The following UBE2E2 variants were observed in gnomAD, a reference collection of about 807,000 sequenced individuals.
UBE2E2 encodes the protein ubiquitin-conjugating enzyme E2 E2.
A neutral mutation model predicts 24.7 loss-of-function variants in UBE2E2; 6 were observed. The observed-to-expected ratio is 0.24, with a 90% CI of 0.13 to 0.48. UBE2E2 has a LOEUF of 0.48. Among genes scored for constraint, UBE2E2 ranks in the 20% least tolerant of loss-of-function variants. The pLI is 0.99. For missense variants in UBE2E2, 169 were observed against 245.0 expected (o/e 0.69, Z 2.07); for synonymous variants, 104 against 83.6 (o/e 1.24, Z -1.33).
intron 3 of UBE2E2, among the ~76,000 whole-genome samples, chr3:23,256,482 T>C (rs1177241628): frequency 6.6e-6 from 1 of 151,558 alleles, no homozygotes; most frequent in Non-Finnish European, 1.5e-5. Context: ...CAAAAAAAAC[T>C]GTAGCTTCAA....
chr3:23,487,071 A>G (rs899637463), intron 3 of UBE2E2, among the ~76,000 whole-genome samples: 5 of 152,178 alleles, frequency 3.3e-5, no homozygotes, highest in African/African-American at 1.2e-4. Context: ...GCTTCCCTCA[A>G]TACCCCCGGC....
At chr3:23,239,979 A>G (rs940736608) in intron 3 of UBE2E2, among the ~76,000 whole-genome samples, 10 of 152,184 alleles carry the variant, frequency 6.6e-5, no homozygotes, top group African/African-American at 2.4e-4. Context: ...GTTTTGAGGC[A>G]TGTAGGGCTC....
At chr3:23,404,570 A>C (rs916625083) in intron 3 of UBE2E2, among the ~76,000 whole-genome samples, 9 of 152,156 alleles carry the variant, frequency 5.9e-5, no homozygotes, top group Non-Finnish European at 1.2e-4. Context: ...AGCATTTGGA[A>C]TTGTATAAGT....
chr3:23,219,635 C>T (rs902367590), intron 3 of UBE2E2, among the ~76,000 whole-genome samples: 4 of 152,118 alleles, frequency 2.6e-5, no homozygotes, highest in African/African-American at 9.7e-5. Flanking sequence ...AAGTCAGAGT[C>T]CTTTACTTAA....
At chr3:23,281,855 T>C (rs1020175050) in intron 3 of UBE2E2, among the ~76,000 whole-genome samples, 2 of 152,256 alleles carry the variant, frequency 1.3e-5, no homozygotes, top group African/African-American at 4.8e-5. Flanking sequence ...AGAGGATGTA[T>C]GCCAGATTTT....
chr3:23,212,878 T>C (rs1399837415), intron 2 of UBE2E2, among the ~76,000 whole-genome samples: 3 of 152,128 alleles, frequency 2.0e-5, no homozygotes, highest in Non-Finnish European at 4.4e-5. Flanking sequence ...ATCATAGATA[T>C]ATAGTATATA....
At chr3:23,263,915 C>T (rs1371655257) in intron 3 of UBE2E2, among the ~76,000 whole-genome samples, 2 of 152,132 alleles carry the variant, frequency 1.3e-5, no homozygotes, top group East Asian at 3.8e-4. Context: ...TTTTTCTTAA[C>T]AAGTTCTAGA....
chr3:23,217,236 T>A, intron 2 of UBE2E2, 26 bp from the exon 3 acceptor site: 1 of 1,596,084 alleles, frequency 6.3e-7, no homozygotes, highest in East Asian at 2.2e-5. Context: ...ATTTTTAACA[T>A]AATGTTCTTT....
chr3:23,569,329 T>A (rs1696168128), intron 5 of UBE2E2, among the ~76,000 whole-genome samples: 1 of 152,174 alleles, frequency 6.6e-6, no homozygotes, highest in East Asian at 1.9e-4. Flanking sequence ...CTGGTGGATT[T>A]GCCAGCGGGG....
chr3:23,316,866 C>T (rs1694595773), intron 3 of UBE2E2, among the ~76,000 whole-genome samples: 1 of 152,072 alleles, frequency 6.6e-6, no homozygotes. Flanking sequence ...AGTGGGCTCA[C>T]TTCTGACCCA....
chr3:23,507,019 T>C lies in UBE2E2; in HGVS notation c.360+7279T>C, dbSNP rs1450487759. 2.0e-5 allele frequency among the ~76,000 whole-genome samples: 3 copies of C among 152,188 alleles called. No individual in the cohort carries two copies. In the East Asian group the frequency reaches 5.8e-4, roughly 29 times the overall value. On this transcript the variant is annotated intron_variant, in intron 4 of 5. Coordinates refer to ENST00000396703, the MANE Select transcript of UBE2E2 (RefSeq NM_152653.4). The stretch of plus-strand genomic sequence containing the variant: ...TTCCCAGCTCCTGAATAAAAGCCTA[T>C]AAAGCCATATAGAACCACCCCGTCC...
intron 3 of UBE2E2, among the ~76,000 whole-genome samples, chr3:23,350,913 C>G (rs1233032149): frequency 3.3e-5 from 5 of 152,144 alleles, no homozygotes; most frequent in Admixed American, 3.3e-4. Context: ...TCGAGAAGAG[C>G]AACTCCAAGA....
intron 3 of UBE2E2, among the ~76,000 whole-genome samples, chr3:23,408,079 A>G (rs985541912): frequency 1.3e-5 from 2 of 152,208 alleles, no homozygotes; most frequent in Non-Finnish European, 2.9e-5. Flanking sequence ...CTAGCACATC[A>G]TGATAGTGTT....
intron 3 of UBE2E2, among the ~76,000 whole-genome samples, chr3:23,381,770 A>C (rs566326722): frequency 6.6e-6 from 1 of 152,218 alleles, no homozygotes; most frequent in African/African-American, 2.4e-5. Flanking sequence ...AATTTTATCT[A>C]TGTTGACTTA....
At chr3:23,314,084 T>G (rs1048697404) in intron 3 of UBE2E2, among the ~76,000 whole-genome samples, 4 of 152,220 alleles carry the variant, frequency 2.6e-5, no homozygotes, top group African/African-American at 9.6e-5. Flanking sequence ...CTGTTTTTAC[T>G]TATATCTTGT....
At chr3:23,287,822 C>CT (rs1234710555) in intron 3 of UBE2E2, among the ~76,000 whole-genome samples, 2 of 139,996 alleles carry the variant, frequency 1.4e-5, no homozygotes, top group African/African-American at 2.6e-5. Context: ...GGTGTTTTCT[C>CT]TTTTTTTCTT....
chr3:23,588,193 A>G (rs899989084), intron 5 of UBE2E2, among the ~76,000 whole-genome samples: 1 of 152,082 alleles, frequency 6.6e-6, no homozygotes, highest in African/African-American at 2.4e-5. Context: ...TTCCTACCAA[A>G]CATTAGCTTT....
intron 3 of UBE2E2, among the ~76,000 whole-genome samples, chr3:23,237,021 A>G (rs1697130913): frequency 6.6e-6 from 1 of 152,152 alleles, no homozygotes; most frequent in African/African-American, 2.4e-5. Flanking sequence ...GCAGTATTAC[A>G]CGGTGGTTTC....
At chr3:23,333,134 C>T (rs1695112534) in intron 3 of UBE2E2, among the ~76,000 whole-genome samples, 1 of 152,130 alleles carries the variant, frequency 6.6e-6, no homozygotes, top group Admixed American at 6.5e-5. Flanking sequence ...ATACCTAATG[C>T]CCTGCAAGGC....
Sources: gnomAD v4.1 joint callset for allele counts (sites outside exome capture counted in the v4.1 genomes callset) on GRCh38, gnomAD v4.1.1 for gene constraint, MANE v1.5 for transcripts, NCBI Gene and HGNC (gene_info 2026-07-23, HGNC 2026-07-21) for gene names.